GRIN2A: variants seen among roughly 807,000 people sequenced by gnomAD.
GRIN2A encodes glutamate receptor ionotropic, NMDA 2A.
GRIN2A carries 22 observed loss-of-function variants against 113.4 expected under a neutral mutation model. The ratio of observed to expected loss-of-function variants is 0.19; its 90% confidence interval spans 0.14 to 0.28. The LOEUF (loss-of-function observed/expected upper bound fraction) is 0.28, where lower values mean the gene tolerates loss of function less well. Among genes scored for constraint, GRIN2A ranks in the 10% least tolerant of loss-of-function variants. The pLI is 1.00. For missense variants in GRIN2A, 1,502 were observed against 1,887.0 expected (o/e 0.80, Z 3.78); for synonymous variants, 827 against 738.4 (o/e 1.12, Z -1.94).
At chr16:9,799,879 G>C (rs1327875891) in intron 10 of GRIN2A, among the ~76,000 whole-genome samples, 1 of 152,022 alleles carries the variant, frequency 6.6e-6, no homozygotes, top group Non-Finnish European at 1.5e-5. Context: ...TCAAAATGTG[G>C]AATGTTATCA....
chr16:10,179,893 C>CCAAAAAAAAAAAAAA, intron 2 of GRIN2A, 105 bp downstream of exon 2: 1 of 719,818 alleles, frequency 1.4e-6, no homozygotes. Context: ...CCCCCACCCC[C>CCAAAAAAAAAAAAAA]ACTTCACATC....
chr16:10,068,956 G>A (rs2047699807), intron 2 of GRIN2A, among the ~76,000 whole-genome samples: 1 of 152,118 alleles, frequency 6.6e-6, no homozygotes, highest in Non-Finnish European at 1.5e-5. Context: ...GAGCACAGGT[G>A]ACAACTGACA....
At chr16:10,139,039 T>C (rs1429920041) in intron 2 of GRIN2A, among the ~76,000 whole-genome samples, 3 of 152,210 alleles carry the variant, frequency 2.0e-5, no homozygotes, top group African/African-American at 4.8e-5. Context: ...CTTGGCCCAG[T>C]TGCCGAAGAC....
intron 2 of GRIN2A, among the ~76,000 whole-genome samples, chr16:10,147,208 T>C (rs1348800649): frequency 6.6e-6 from 1 of 151,978 alleles, no homozygotes; most frequent in African/African-American, 2.4e-5. Flanking sequence ...TCTAGGAGCT[T>C]AACGAGCAGC....
At chr16:9,986,523 G>T (rs938534783) in intron 2 of GRIN2A, among the ~76,000 whole-genome samples, 16 of 152,066 alleles carry the variant, frequency 1.1e-4, no homozygotes, top group African/African-American at 3.9e-4. Context: ...CCAGCACCTT[G>T]AGGGGCCAAG....
intron 3 of GRIN2A, among the ~76,000 whole-genome samples, chr16:9,899,532 TAAAG>T (rs2043877098): frequency 7.9e-6 from 1 of 127,106 alleles, no homozygotes; most frequent in African/African-American, 3.0e-5. Flanking sequence ...AACCACAACA[TAAAG>T]AAACAGAAAG....
At chr16:10,113,694 T>C (rs1396008884) in intron 2 of GRIN2A, among the ~76,000 whole-genome samples, 2 of 152,230 alleles carry the variant, frequency 1.3e-5, no homozygotes, top group African/African-American at 2.4e-5. Context: ...TATATTTATA[T>C]CTTATGTACT....
rs116740895 is a variant in GRIN2A, at chr16:9,950,695, G to T, written c.415-12144C>A. Among the ~76,000 whole-genome samples, 18 of 152,142 alleles carry T rather than the reference G, an allele frequency of 1.2e-4. No individual in the cohort carries two copies. The South Asian group carries it at 3.7e-3, about 32-fold the overall frequency. ...GAGATGGCTTAGTGCAGTGGAAGGCGCAAGGATTTTGGAATAAGACACATC... is the reference window on the plus strand; with the variant it reads ...GAGATGGCTTAGTGCAGTGGAAGGCTCAAGGATTTTGGAATAAGACACATC... On this transcript the variant is annotated intron_variant, in intron 2 of 12. Transcript: ENST00000330684.
chr16:9,962,894 G>A (rs937779921), intron 2 of GRIN2A, among the ~76,000 whole-genome samples: 3 of 152,038 alleles, frequency 2.0e-5, no homozygotes, highest in African/African-American at 7.2e-5. Context: ...ATGATAGACT[G>A]GTTTAAGAAA....
chr16:10,004,441 T>C (rs1022633264), intron 2 of GRIN2A, among the ~76,000 whole-genome samples: 1 of 152,004 alleles, frequency 6.6e-6, no homozygotes, highest in African/African-American at 2.4e-5. Context: ...TGTAACAAAT[T>C]ACTACAAACC....
intron 11 of GRIN2A, among the ~76,000 whole-genome samples, chr16:9,794,112 T>C (rs1193578622): frequency 6.6e-6 from 1 of 152,212 alleles, no homozygotes; most frequent in African/African-American, 2.4e-5. Context: ...CATGGTGCAC[T>C]CTATCATTTT....
intron 4 of GRIN2A, among the ~76,000 whole-genome samples, chr16:9,884,972 C>T (rs1164215736): frequency 1.3e-5 from 2 of 151,724 alleles, no homozygotes; most frequent in South Asian, 2.1e-4. Flanking sequence ...CTCCTGACCT[C>T]GTGATCCACC....
At chr16:10,136,443 C>T (rs1596542742) in intron 2 of GRIN2A, among the ~76,000 whole-genome samples, 1 of 152,082 alleles carries the variant, frequency 6.6e-6, no homozygotes, top group Non-Finnish European at 1.5e-5. Context: ...CTGTGTAACT[C>T]AGAATAGCCA....
chr16:9,912,415 C>T (rs984151962), intron 3 of GRIN2A, among the ~76,000 whole-genome samples: 13 of 148,318 alleles, frequency 8.8e-5, no homozygotes, highest in South Asian at 4.2e-4. Context: ...ATTTTCAGAA[C>T]GTAGCCCCTG....
intron 12 of GRIN2A, among the ~76,000 whole-genome samples, chr16:9,766,484 G>T (rs1481853358): frequency 6.6e-6 from 1 of 152,172 alleles, no homozygotes; most frequent in South Asian, 2.1e-4. Flanking sequence ...TTCATGGTTG[G>T]TGAAGGCCCC....
chr16:9,772,579 C>G (rs1901338152), intron 11 of GRIN2A, among the ~76,000 whole-genome samples: 1 of 152,060 alleles, frequency 6.6e-6, no homozygotes, highest in East Asian at 1.9e-4. Context: ...CACCATCTTG[C>G]CCAGGCTGAT....
At chr16:10,007,499 T>C (rs1156822206) in intron 2 of GRIN2A, among the ~76,000 whole-genome samples, 1 of 152,134 alleles carries the variant, frequency 6.6e-6, no homozygotes, top group African/African-American at 2.4e-5. Flanking sequence ...TCCCATTGAG[T>C]TGTTTGAGCT....
chr16:10,071,701 T>C (rs1175809031), intron 2 of GRIN2A, among the ~76,000 whole-genome samples: 5 of 152,120 alleles, frequency 3.3e-5, no homozygotes, highest in African/African-American at 1.2e-4. Context: ...TGAGAGCATT[T>C]TGGGCACAGT....
intron 2 of GRIN2A, among the ~76,000 whole-genome samples, chr16:9,993,698 T>G (rs776808801): frequency 6.6e-6 from 1 of 152,124 alleles, no homozygotes; most frequent in African/African-American, 2.4e-5. Context: ...ACAGAGGAAA[T>G]GGGTGGCTTG....
Sources: gnomAD v4.1 joint callset for allele counts (sites outside exome capture counted in the v4.1 genomes callset) on GRCh38, gnomAD v4.1.1 for gene constraint, MANE v1.5 for transcripts, NCBI Gene and HGNC (gene_info 2026-07-23, HGNC 2026-07-21) for gene names.